Variants in CHRM3 observed in about 807,000 individuals in gnomAD.
CHRM3 encodes the protein cholinergic receptor muscarinic 3, also known as muscarinic acetylcholine receptor M3.
In CHRM3, 11 loss-of-function variants were observed where a neutral mutation model predicts 41.8. That is an observed-to-expected ratio of 0.26 (90% CI 0.17 to 0.44). CHRM3 has a LOEUF of 0.44. CHRM3 is among the 20% of genes least tolerant of loss of function. The pLI is 1.00. For missense variants in CHRM3, 571 were observed against 745.4 expected (o/e 0.77, Z 2.72); for synonymous variants, 297 against 301.4 (o/e 0.99, Z 0.15).
At chr1:239,746,009 G>A (rs557950220) in intron 5 of CHRM3, among the ~76,000 whole-genome samples, 4 of 152,040 alleles carry the variant, frequency 2.6e-5, no homozygotes, top group Non-Finnish European at 4.4e-5. Flanking sequence ...CATTTAATTC[G>A]TAAAGGAACT....
At chr1:239,623,366 G>T (rs549025375) in intron 3 of CHRM3, among the ~76,000 whole-genome samples, 1 of 150,182 alleles carries the variant, frequency 6.7e-6, no homozygotes, top group Admixed American at 6.7e-5. Flanking sequence ...TGCAGTGTTT[G>T]GTTTTTTGTC....
chr1:239,512,764 T>G (rs1424281026), intron 2 of CHRM3, among the ~76,000 whole-genome samples: 5 of 152,120 alleles, frequency 3.3e-5, no homozygotes, highest in Non-Finnish European at 7.3e-5. Context: ...TGTAGAGGCT[T>G]TAATTCCAAA....
intron 2 of CHRM3, among the ~76,000 whole-genome samples, chr1:239,526,661 T>C (rs769464058): frequency 5.9e-5 from 9 of 152,202 alleles, no homozygotes; most frequent in Non-Finnish European, 1.2e-4. Flanking sequence ...TGCATAAGAC[T>C]AATTTCTGGA....
intron 6 of CHRM3, among the ~76,000 whole-genome samples, chr1:239,867,480 G>T (rs1054323109): frequency 1.3e-5 from 2 of 152,108 alleles, no homozygotes; most frequent in Admixed American, 1.3e-4. Flanking sequence ...TTGAGGTCAG[G>T]AATTCGAGAC....
chr1:239,401,969 A>T (rs1170221110), intron 1 of CHRM3, among the ~76,000 whole-genome samples: 9 of 152,120 alleles, frequency 5.9e-5, no homozygotes, highest in Admixed American at 5.9e-4. Context: ...CCTGGAGATG[A>T]CCTGGCCTCT....
At chr1:239,589,343 G>A (rs969473708) in intron 3 of CHRM3, among the ~76,000 whole-genome samples, 25 of 151,770 alleles carry the variant, frequency 1.6e-4, no homozygotes, top group Non-Finnish European at 3.4e-4. Context: ...TCTCAACTGA[G>A]TGAAAATAGC....
chr1:239,583,106 T>G (rs1167539716), intron 3 of CHRM3, among the ~76,000 whole-genome samples: 2 of 152,226 alleles, frequency 1.3e-5, no homozygotes, highest in Non-Finnish European at 2.9e-5. Context: ...TCCCTCACCA[T>G]GCTTTAGAGC....
intron 5 of CHRM3, among the ~76,000 whole-genome samples, chr1:239,716,055 T>C (rs1383794265): frequency 6.6e-6 from 1 of 152,048 alleles, no homozygotes; most frequent in East Asian, 1.9e-4. Flanking sequence ...TGCATTGATC[T>C]TGGGTTGAAA....
chr1:239,622,490 C>G (rs1045470961), intron 3 of CHRM3, among the ~76,000 whole-genome samples: 9 of 152,052 alleles, frequency 5.9e-5, no homozygotes, highest in Non-Finnish European at 8.8e-5. Context: ...TCAACACTAA[C>G]AGGAGTTTGA....
At chr1:239,880,653 A>C (rs1460975716) in intron 6 of CHRM3, among the ~76,000 whole-genome samples, 2 of 152,036 alleles carry the variant, frequency 1.3e-5, no homozygotes, top group African/African-American at 4.8e-5. Flanking sequence ...CACCATGCCT[A>C]GCTAATTATT....
intron 5 of CHRM3, among the ~76,000 whole-genome samples, chr1:239,688,313 C>T (rs1253005133): frequency 2.1e-5 from 3 of 144,540 alleles, no homozygotes; most frequent in Admixed American, 7.1e-5. Flanking sequence ...TATATATGTA[C>T]GTATAGATAT....
intron 4 of CHRM3, among the ~76,000 whole-genome samples, chr1:239,638,332 C>T (rs1035454032): frequency 5.3e-5 from 8 of 151,882 alleles, no homozygotes; most frequent in Admixed American, 2.0e-4. Context: ...CCTGAGGAAT[C>T]GCCACACTGA....
At chr1:239,775,872 C>T (rs1285850746) in intron 5 of CHRM3, among the ~76,000 whole-genome samples, 1 of 152,186 alleles carries the variant, frequency 6.6e-6, no homozygotes, top group Non-Finnish European at 1.5e-5. Context: ...TACAGGTTCT[C>T]ACCTGTGCTG....
At chr1:239,606,241 G>C (rs1197738026) in intron 3 of CHRM3, 1 of 150,480 alleles carries the variant, frequency 6.6e-6, no homozygotes, top group African/African-American at 2.4e-5. Flanking sequence ...ACTTAATTAA[G>C]TACATGTTTT....
intron 2 of CHRM3, among the ~76,000 whole-genome samples, chr1:239,500,643 C>G (rs758047336): frequency 6.7e-6 from 1 of 149,276 alleles, no homozygotes; most frequent in Non-Finnish European, 1.5e-5. Context: ...AATTAAATCC[C>G]GAAAAAAAAG....
chr1:239,869,451 G>A (rs2149312888), intron 6 of CHRM3, among the ~76,000 whole-genome samples: 1 of 152,244 alleles, frequency 6.6e-6, no homozygotes, highest in South Asian at 2.1e-4. Context: ...GCAATTAGGT[G>A]GACATTGAAT....
Position 239,427,210 on chromosome 1 carries a change from C to A in CHRM3, c.-521+39983C>A, listed in dbSNP as rs79091190. Among the ~76,000 whole-genome samples, 9 of 152,228 alleles carry A rather than the reference C, an allele frequency of 5.9e-5. No individual in the cohort carries two copies. The East Asian group carries it at 1.7e-3, about 30-fold the overall frequency. On this transcript the variant is annotated intron_variant, in intron 1 of 6. Transcript: ENST00000676153. ...CAGGATCCCAGCAGGAAGCAGATGT[C>A]ACACTCAAATGGGATAATTAAGGAG...
At chr1:239,697,940 G>A (rs182516071) in intron 5 of CHRM3, among the ~76,000 whole-genome samples, 1 of 152,270 alleles carries the variant, frequency 6.6e-6, no homozygotes, top group East Asian at 1.9e-4. Flanking sequence ...CTTCATACTT[G>A]TGGCATCAAA....
At chr1:239,901,669 A>C in intron 6 of CHRM3, among the ~76,000 whole-genome samples, 1 of 152,138 alleles carries the variant, frequency 6.6e-6, no homozygotes, top group East Asian at 1.9e-4. Context: ...GATGGTTCTA[A>C]GTTAATATAT....
Sources: allele counts gnomAD v4.1 joint callset (sites outside exome capture counted in the v4.1 genomes callset), GRCh38; gene constraint gnomAD v4.1.1; transcripts MANE v1.5; gene names NCBI Gene and HGNC (gene_info 2026-07-23, HGNC 2026-07-21).